Variants in TMEM39B observed in about 807,000 individuals in gnomAD.
TMEM39B encodes transmembrane protein 39B.
Under a neutral mutation model 52.2 loss-of-function variants are expected in TMEM39B, and 23 were observed. That is an observed-to-expected ratio of 0.44 (90% CI 0.32 to 0.62). The LOEUF (loss-of-function observed/expected upper bound fraction) is 0.62, where lower values mean the gene tolerates loss of function less well. TMEM39B is among the 20% of genes least tolerant of loss of function. The pLI, the probability that TMEM39B is intolerant of heterozygous loss-of-function variation, is 0.06. For synonymous variants in TMEM39B, 285 were observed against 264.0 expected (o/e 1.08, Z -0.77); for missense variants, 547 against 642.0 (o/e 0.85, Z 1.60).
At chr1:32,074,404 G>C (rs183956891) in intron 1 of TMEM39B, among the ~76,000 whole-genome samples, 1 of 152,158 alleles carries the variant, frequency 6.6e-6, no homozygotes, top group African/African-American at 2.4e-5. Flanking sequence ...GTTTCCTAAT[G>C]TGTGAAAAAC....
Position 32,102,467 on chromosome 1 carries a change from C to G in TMEM39B, c.1273C>G (p.Leu425Val). ...FSKPLRILNI[L>V]LLLEGAVIVY... is the part of the protein sequence containing the mutation. ...CAAACCCCTGCGGATCCTCAACATC[C>G]TCCTGCTGCTGGAGGGCGCTGTCAT... The change falls in exon 9 of 9, where the codon CTC becomes GTC. Residue 425 changes from leucine to valine, a missense_variant. Coordinates refer to ENST00000336294, the MANE Select transcript of TMEM39B (RefSeq NM_018056.4). 1 of 1,614,134 alleles carries G rather than the reference C, an allele frequency of 6.2e-7. No individual in the cohort carries two copies. Among genetic ancestry groups the G allele is most frequent in the Non-Finnish European group, 8.5e-7 (1 of 1,179,990 alleles).
At chr1:32,097,928 G>A (rs906013774) in intron 7 of TMEM39B, among the ~76,000 whole-genome samples, 5 of 151,976 alleles carry the variant, frequency 3.3e-5, no homozygotes, top group South Asian at 2.1e-4. Flanking sequence ...CACCGTGCCC[G>A]GCCCCCAACT....
chr1:32,095,505 C>A (rs1464747454), intron 7 of TMEM39B, among the ~76,000 whole-genome samples: 1 of 152,180 alleles, frequency 6.6e-6, no homozygotes, highest in African/African-American at 2.4e-5. Context: ...TGATGCTGAA[C>A]CCTGGCCAGG....
Position 32,102,557 on chromosome 1 carries a change from A to G in TMEM39B, c.1363A>G (p.Ile455Val). ...GCACCAGACCATCTCGCTGGCCCTC[A>G]TCCTCTTCAGCAACTACTATGCCTT... ...KWHQTISLALILFSNYYAFFK... is the reference protein window; with the variant it reads ...KWHQTISLALVLFSNYYAFFK... The change falls in exon 9 of 9, where the codon ATC becomes GTC. Residue 455 changes from isoleucine to valine, a missense_variant. By Grantham distance (29) the Ile-to-Val change is conservative. Coordinates refer to ENST00000336294, the MANE Select transcript of TMEM39B (RefSeq NM_018056.4). 6.2e-7 allele frequency: 1 copy of G among 1,614,106 alleles called. No individual in the cohort carries two copies. Among genetic ancestry groups the G allele is most frequent in the East Asian group, 2.2e-5 (1 of 44,880 alleles).
At chr1:32,091,328 A>G (rs1640592622) in intron 5 of TMEM39B, among the ~76,000 whole-genome samples, 1 of 152,210 alleles carries the variant, frequency 6.6e-6, no homozygotes, top group African/African-American at 2.4e-5. Flanking sequence ...GCCTGAAAGC[A>G]TTCGGTACAG....
rs1569859145 is a variant in TMEM39B at position 32,076,769 on chromosome 1, C to T, written c.358C>T (p.His120Tyr). 1.2e-6 allele frequency: 2 copies of T among 1,614,152 alleles called. No individual in the cohort carries two copies. Among genetic ancestry groups the T allele is most frequent in the Non-Finnish European group, 1.7e-6 (2 of 1,180,024 alleles). The change falls in exon 4 of 9, where the codon CAT (histidine) becomes TAT (tyrosine). Residue 120 changes from histidine (H) to tyrosine (Y), a missense_variant. Physicochemically the swap from His to Tyr is moderately conservative, Grantham distance 83. Coordinates refer to ENST00000336294, the MANE Select transcript of TMEM39B (RefSeq NM_018056.4). ...GGCCTCTGCCCCCTGACAGAACTTC[C>T]ATCTGATCGACTTCAACTTGCTGAT... ...HPPSHTSLNF[H>Y]LIDFNLLMVT...
intron 1 of TMEM39B, 110 bp downstream of exon 1, chr1:32,073,161 G>A: frequency 2.3e-6 from 3 of 1,320,740 alleles, no homozygotes; most frequent in Middle Eastern, 4.4e-4. Context: ...ACGGGAGGGG[G>A]AGGGGATGCG....
intron 5 of TMEM39B, among the ~76,000 whole-genome samples, chr1:32,080,622 G>A (rs888364434): frequency 7.0e-6 from 1 of 143,858 alleles, no homozygotes; most frequent in Non-Finnish European, 1.5e-5. Flanking sequence ...AGCCAAGATC[G>A]CACCACTGCA....
intron 6 of TMEM39B, among the ~76,000 whole-genome samples, 177 bp from the exon 7 acceptor site, chr1:32,094,607 C>A (rs1193765012): frequency 1.3e-5 from 2 of 152,172 alleles, no homozygotes; most frequent in Non-Finnish European, 2.9e-5. Context: ...TTGTAGAAAA[C>A]CAACTAGTGG....
chr1:32,102,107 T>G (rs921258373), intron 8 of TMEM39B, among the ~76,000 whole-genome samples: 13 of 152,164 alleles, frequency 8.5e-5, no homozygotes, highest in African/African-American at 3.1e-4. Flanking sequence ...AAAAAAATTT[T>G]TTTAAAGGTG....
chr1:32,080,534 G>A (rs1355811184), intron 5 of TMEM39B, among the ~76,000 whole-genome samples: 1 of 151,876 alleles, frequency 6.6e-6, no homozygotes, highest in Admixed American at 6.6e-5. Context: ...GGGCATGGTG[G>A]ATGGCACTTG....
chr1:32,094,713 G>T, intron 6 of TMEM39B, 71 bp from the exon 7 acceptor site: 2 of 1,549,710 alleles, frequency 1.3e-6, no homozygotes, highest in Non-Finnish European at 8.9e-7. Context: ...CAGTCAGGTA[G>T]AATCAGGGAA....
chr1:32,082,675 C>T (rs1367857523), intron 5 of TMEM39B, among the ~76,000 whole-genome samples: 3 of 152,004 alleles, frequency 2.0e-5, no homozygotes, highest in African/African-American at 4.8e-5. Flanking sequence ...AGGCTGGTCT[C>T]GAACTCCCAA....
intron 6 of TMEM39B, among the ~76,000 whole-genome samples, chr1:32,094,377 G>A (rs148692265): frequency 0.017 from 2,614 of 151,782 alleles, 29 homozygotes; most frequent in Non-Finnish European, 0.028. Flanking sequence ...TGCCCACCTC[G>A]GCCTCCCAAA....
chr1:32,100,737 G>A, intron 8 of TMEM39B, 175 bp downstream of exon 8: 2 of 871,892 alleles, frequency 2.3e-6, no homozygotes, highest in Non-Finnish European at 3.5e-6. Flanking sequence ...CTTAATAACT[G>A]CAGCTCGGCC....
rs147386210 is a variant in TMEM39B, at chr1:32,093,820, T to A, written c.928-964T>A. ...TGGTTGCTTTTTTTTTGTTTTGTTT[T>A]GTTTTGTTTTGTTTTTGAGACAGAG... is the stretch of plus-strand genomic sequence containing the variant. On this transcript the variant is annotated intron_variant, in intron 6 of 8. Coordinates refer to ENST00000336294, the MANE Select transcript of TMEM39B (RefSeq NM_018056.4). 4.1e-3 allele frequency among the ~76,000 whole-genome samples: 621 copies of A among 151,460 alleles called. 4 individuals are homozygous for A. The highest frequency in any genetic ancestry group is 0.015 in the African/African-American group (599 of 41,274).
chr1:32,082,448 ATTTATT>A (rs1034653523), intron 5 of TMEM39B, among the ~76,000 whole-genome samples: 17 of 151,698 alleles, frequency 1.1e-4, no homozygotes, highest in African/African-American at 3.1e-4. Flanking sequence ...CTCTTTATTT[ATTTATT>A]TTTATTTTTA....
At chr1:32,090,621 T>TTTG (rs533134460) in intron 5 of TMEM39B, among the ~76,000 whole-genome samples, 86 of 151,786 alleles carry the variant, frequency 5.7e-4, no homozygotes, top group African/African-American at 2.0e-3. Flanking sequence ...CTAATTTTTT[T>TTTG]TTGTTGTTGT....
chr1:32,097,937 C>T (rs565720810), intron 7 of TMEM39B, among the ~76,000 whole-genome samples: 1 of 152,076 alleles, frequency 6.6e-6, no homozygotes, highest in African/African-American at 2.4e-5. Flanking sequence ...CGGCCCCCAA[C>T]TTCTTTTATT....
Sources: gnomAD v4.1 joint callset for allele counts (sites outside exome capture counted in the v4.1 genomes callset) on GRCh38, gnomAD v4.1.1 for gene constraint, MANE v1.5 for transcripts, NCBI Gene and HGNC (gene_info 2026-07-23, HGNC 2026-07-21) for gene names.